ABCB1: variants seen among roughly 807,000 people sequenced by gnomAD.
The protein encoded by ABCB1 is ATP binding cassette subfamily B member 1, also known as ATP-dependent translocase ABCB1.
ABCB1 carries 69 observed loss-of-function variants against 142.0 expected under a neutral mutation model. The ratio of observed to expected loss-of-function variants is 0.49; its 90% CI spans 0.40 to 0.59. The LOEUF is 0.59. ABCB1 is among the 20% of genes least tolerant of loss of function. ABCB1 has a pLI of 0.00. For missense variants in ABCB1, 1,326 were observed against 1,554.7 expected (o/e 0.85, Z 2.47); for synonymous variants, 532 against 539.2 (o/e 0.99, Z 0.18).
intron 1 of ABCB1, among the ~76,000 whole-genome samples, chr7:87,621,678 C>T (rs142520955): frequency 8.0e-4 from 121 of 151,984 alleles, no homozygotes; most frequent in African/African-American, 2.7e-3. Context: ...CAAATACAAA[C>T]ACATAGTAAC....
Position 87,503,180 on chromosome 7 carries a change from G to T in ABCB1, c.*1063C>A, listed in dbSNP as rs1249437711. 6.6e-6 allele frequency among the ~76,000 whole-genome samples: 1 copy of T among 150,756 alleles called. No homozygotes were observed. The highest frequency in any genetic ancestry group is 6.6e-5 in the Admixed American group (1 of 15,196). On this transcript the variant is annotated 3_prime_UTR_variant, in exon 28 of 28. Transcript: ENST00000622132. The stretch of plus-strand genomic sequence containing the variant: ...ATATCCTTTCCTATTTTTTTTTCCT[G>T]GAGGTGATGGCTTCTTTTTTTTATT...
chr7:87,564,373 T>G (rs141599927), intron 7 of ABCB1, among the ~76,000 whole-genome samples: 5 of 152,092 alleles, frequency 3.3e-5, no homozygotes, highest in African/African-American at 1.2e-4. Flanking sequence ...TTCTGCTGCT[T>G]GAGGGAGTGA....
chr7:87,521,665 G>A lies in ABCB1; in HGVS notation c.2686-789C>T, dbSNP rs1815515762. On this transcript the variant is annotated intron_variant, in intron 21 of 27. Coordinates refer to ENST00000622132, the MANE Select transcript of ABCB1 (RefSeq NM_001348946.2). Reference sequence around the variant, plus strand: ...TGTCACATATGCCACTGTGGAGGAGGTGGATGCAGCCATGAATGCAAGGCC... The same window carrying A: ...TGTCACATATGCCACTGTGGAGGAGATGGATGCAGCCATGAATGCAAGGCC... 4 of 855,736 alleles carry A rather than the reference G, an allele frequency of 4.7e-6. No individual in the cohort carries two copies. The Admixed American group carries it at 5.1e-5, about 11-fold the overall frequency. The allele number at this position is 855,736 out of a possible 1,614,324, so 53.0% of individuals were successfully genotyped here.
intron 1 of ABCB1, among the ~76,000 whole-genome samples, chr7:87,703,927 T>TG (rs1829359951): frequency 8.5e-6 from 1 of 117,916 alleles, no homozygotes; most frequent in African/African-American, 3.2e-5. Flanking sequence ...TTTTTTTTTT[T>TG]TTTTTTTTTT....
At position 87,503,609 on chromosome 7, in the gene ABCB1, T is replaced by A. The variant is rs1814584420; in HGVS notation, c.*634A>T. On this transcript the variant is annotated 3_prime_UTR_variant, in exon 28 of 28. Transcript: ENST00000622132. ...TCCTAAAATCTTATATCGATCTGTG[T>A]TTTGGGTTTGAGAGCCACCTTAATG... 6.4e-6 allele frequency: 1 copy of A among 155,608 alleles called. No homozygotes were observed. The highest frequency in any genetic ancestry group is 2.4e-5 in the African/African-American group (1 of 41,452). 9.6% of individuals were successfully genotyped at this position (155,608 alleles called of 1,614,324 possible). A position where few individuals can be genotyped will look rare whatever the true frequency, so the allele number is the denominator to read the frequency against.
At chr7:87,669,100 C>T (rs946046264) in intron 1 of ABCB1, among the ~76,000 whole-genome samples, 9 of 151,748 alleles carry the variant, frequency 5.9e-5, no homozygotes, top group Admixed American at 2.0e-4. Context: ...CTATTTTTTC[C>T]ATGGGAGTTT....
intron 1 of ABCB1, among the ~76,000 whole-genome samples, chr7:87,671,630 C>T (rs534778221): frequency 6.6e-6 from 1 of 152,188 alleles, no homozygotes; most frequent in South Asian, 2.1e-4. Context: ...AGGCCTGTTG[C>T]TGGCCCAAAG....
At chr7:87,512,888 C>G (rs1380174867) in intron 25 of ABCB1, among the ~76,000 whole-genome samples, 1 of 152,200 alleles carries the variant, frequency 6.6e-6, no homozygotes, top group Non-Finnish European at 1.5e-5. Context: ...GCTTACTGTC[C>G]TATGCACTCA....
intron 25 of ABCB1, among the ~76,000 whole-genome samples, chr7:87,513,124 T>A (rs1042836437): frequency 1.3e-5 from 2 of 152,196 alleles, no homozygotes; most frequent in Non-Finnish European, 2.9e-5. Context: ...ACAGCCAGAT[T>A]CTAGTCTCGT....
rs1422618705 is a variant in ABCB1 at position 87,595,833 on chromosome 7, A to T, written c.69-19T>A. 6.3e-7 allele frequency: 1 copy of T among 1,598,690 alleles called. No individual in the cohort carries two copies. Among genetic ancestry groups the T allele is most frequent in the South Asian group, 1.1e-5 (1 of 90,504 alleles). On this transcript the variant is annotated intron_variant, in intron 2 of 27. Coordinates refer to ENST00000622132, the MANE Select transcript of ABCB1 (RefSeq NM_001348946.2). ...TTTTTCACTGCAAAACAGCAATGGA[A>T]TTACATAAAACTTTAAAAAGTACAT...
rs114847673 is a variant in ABCB1 at position 87,504,488 on chromosome 7, C to A, written c.3637-39G>T. 1,936 of 1,611,314 alleles carry A rather than the reference C, an allele frequency of 1.2e-3. 17 individuals carry two copies. The African/African-American group carries it at 0.022, about 18-fold the overall frequency. ...ACATAGATTAATTCTCATAATAGTT[C>A]TTTTCCCTAATTCCTCTTCCATAAA... On this transcript the variant is annotated intron_variant, in intron 27 of 27. Transcript: ENST00000622132.
At chr7:87,670,401 G>T (rs1040910028) in intron 1 of ABCB1, among the ~76,000 whole-genome samples, 1 of 152,014 alleles carries the variant, frequency 6.6e-6, no homozygotes, top group Non-Finnish European at 1.5e-5. Flanking sequence ...CATTTTCCTT[G>T]GATTGGGTTT....
intron 1 of ABCB1, among the ~76,000 whole-genome samples, chr7:87,675,033 G>T (rs1826186394): frequency 6.6e-6 from 1 of 152,228 alleles, no homozygotes; most frequent in South Asian, 2.1e-4. Flanking sequence ...GCCAGCTTAA[G>T]TGTCTGTTGG....
At chr7:87,548,437 A>G (rs1816902675) in intron 14 of ABCB1, among the ~76,000 whole-genome samples, 1 of 152,226 alleles carries the variant, frequency 6.6e-6, no homozygotes, top group Non-Finnish European at 1.5e-5. Context: ...AAATGAGGGG[A>G]AAAATAGTAA....
intron 24 of ABCB1, among the ~76,000 whole-genome samples, chr7:87,515,953 G>T (rs1321751680): frequency 6.6e-6 from 1 of 152,148 alleles, no homozygotes; most frequent in Non-Finnish European, 1.5e-5. Flanking sequence ...TTCATAGCAT[G>T]TATTGTTAAG....
At chr7:87,640,166 C>G (rs1156831147) in intron 1 of ABCB1, among the ~76,000 whole-genome samples, 1 of 148,918 alleles carries the variant, frequency 6.7e-6, no homozygotes, top group African/African-American at 2.5e-5. Flanking sequence ...TCCCCCACAT[C>G]CTAAAACATA....
At chr7:87,589,805 G>GGAGAGAGAGGA (rs1818912803) in intron 3 of ABCB1, among the ~76,000 whole-genome samples, 1 of 105,366 alleles carries the variant, frequency 9.5e-6, no homozygotes, top group Non-Finnish European at 1.7e-5. Flanking sequence ...GAGAGAGAGA[G>GGAGAGAGAGGA]GAGAGAGAGA....
In ABCB1 at chr7:87,515,029, G is replaced by C. The variant is rs191382621; in HGVS notation, c.3282+202C>G. ...AAGGGTGCTTGCAAAGGAGGGTAGAGGGGTAGTGTTGAGGGGAGCCTGGAG... is the reference window on the plus strand; with the variant it reads ...AAGGGTGCTTGCAAAGGAGGGTAGACGGGTAGTGTTGAGGGGAGCCTGGAG... On this transcript the variant is annotated intron_variant, in intron 25 of 27. Transcript: ENST00000622132. Among the ~76,000 whole-genome samples, 3 of 152,320 alleles carry C rather than the reference G, an allele frequency of 2.0e-5. No homozygotes were observed. In the East Asian group the frequency reaches 5.8e-4, roughly 29 times the overall value.
At chr7:87,547,850 C>CAAAAA (rs1210127693) in intron 14 of ABCB1, among the ~76,000 whole-genome samples, 2 of 42,002 alleles carry the variant, frequency 4.8e-5, no homozygotes, top group Non-Finnish European at 4.1e-5. Flanking sequence ...GACTCCATCT[C>CAAAAA]AAAAAAAAAA....
Sources: allele counts gnomAD v4.1 joint callset (sites outside exome capture counted in the v4.1 genomes callset), GRCh38; gene constraint gnomAD v4.1.1; transcripts MANE v1.5; gene names NCBI Gene and HGNC (gene_info 2026-07-23, HGNC 2026-07-21).